LHFPL3: variants seen among roughly 807,000 people sequenced by gnomAD.
LHFPL3 encodes the protein LHFPL tetraspan subfamily member 3 protein.
A neutral mutation model predicts 19.3 loss-of-function variants in LHFPL3; 5 were observed. The ratio of observed to expected loss-of-function variants is 0.26; its 90% CI spans 0.14 to 0.54. The LOEUF (loss-of-function observed/expected upper bound fraction) is 0.54, where lower values mean the gene tolerates loss of function less well. LHFPL3 is among the 20% of genes least tolerant of loss of function. The probability of loss-of-function intolerance (pLI) is 0.94; values close to 1 mark genes in which losing one functional copy is unlikely to be tolerated. For synonymous variants in LHFPL3, 133 were observed against 126.2 expected (o/e 1.05, Z -0.36); for missense variants, 249 against 307.4 (o/e 0.81, Z 1.42).
intron 1 of LHFPL3, among the ~76,000 whole-genome samples, chr7:104,721,352 C>T (rs1348690236): frequency 6.6e-6 from 1 of 152,076 alleles, no homozygotes; most frequent in African/African-American, 2.4e-5. Flanking sequence ...ATCACTTGGA[C>T]ACAGGGCAGG....
chr7:104,518,470 G>A (rs1259060797), intron 1 of LHFPL3, among the ~76,000 whole-genome samples: 2 of 150,274 alleles, frequency 1.3e-5, no homozygotes, highest in South Asian at 2.1e-4. Context: ...TTAAATAAAT[G>A]ATAATGGATG....
chr7:104,631,131 C>T (rs1283355274), intron 1 of LHFPL3, among the ~76,000 whole-genome samples: 4 of 152,120 alleles, frequency 2.6e-5, no homozygotes, highest in Non-Finnish European at 5.9e-5. Flanking sequence ...AGCTTGACAT[C>T]ATCCTAGCTA....
intron 1 of LHFPL3, among the ~76,000 whole-genome samples, chr7:104,677,441 G>A (rs1327818308): frequency 6.6e-6 from 1 of 151,836 alleles, no homozygotes; most frequent in Admixed American, 6.6e-5. Context: ...GTTTGCATAT[G>A]CCTAGAAAAT....
At position 104,328,696 on chromosome 7, in the gene LHFPL3, C is replaced by A; in HGVS notation, c.-84C>A. 1 of 1,237,154 alleles carries A rather than the reference C, an allele frequency of 8.1e-7. No individual in the cohort carries two copies. Among genetic ancestry groups the A allele is most frequent in the Non-Finnish European group, 1.1e-6 (1 of 885,030 alleles). 76.6% of individuals were successfully genotyped at this position (1,237,154 alleles called of 1,614,324 possible). The stretch of plus-strand genomic sequence containing the variant: ...GGCAGGGGAGTTGCAGCGCGCGAGG[C>A]TCCGTGAGTGTGTCTCCTGCGCGCT... On this transcript the variant is annotated 5_prime_UTR_variant, in exon 1 of 3. Transcript: ENST00000424859. This position sits in a 1 kb window ranked among gnomAD's most constrained non-coding sequence, Gnocchi z 4.6.
At chr7:104,548,961 C>G (rs964104933) in intron 1 of LHFPL3, among the ~76,000 whole-genome samples, 2 of 152,110 alleles carry the variant, frequency 1.3e-5, no homozygotes, top group African/African-American at 2.4e-5. Context: ...CTAAGGGATT[C>G]TTTGGGCAGA....
intron 1 of LHFPL3, among the ~76,000 whole-genome samples, chr7:104,708,135 A>G (rs571874494): frequency 2.0e-5 from 3 of 152,322 alleles, no homozygotes; most frequent in South Asian, 4.1e-4. Flanking sequence ...CGCCATATAG[A>G]AAGGCCCAAG....
At chr7:104,539,422 G>T (rs1384853070) in intron 1 of LHFPL3, among the ~76,000 whole-genome samples, 1 of 152,158 alleles carries the variant, frequency 6.6e-6, no homozygotes, top group Non-Finnish European at 1.5e-5. Context: ...AGTAAATTTA[G>T]TGGGGAGAAG....
At chr7:104,863,414 GT>G (rs1045771338) in intron 2 of LHFPL3, among the ~76,000 whole-genome samples, 1 of 152,104 alleles carries the variant, frequency 6.6e-6, no homozygotes, top group Non-Finnish European at 1.5e-5. Flanking sequence ...AAGCCTCTGG[GT>G]TTTTTTCCCA....
intron 1 of LHFPL3, among the ~76,000 whole-genome samples, chr7:104,439,753 A>T (rs2116577935): frequency 6.6e-6 from 1 of 152,310 alleles, no homozygotes; most frequent in East Asian, 1.9e-4. Context: ...AATGGTAAAA[A>T]ACTGAACGCT....
At chr7:104,793,319 T>C (rs191574908) in intron 2 of LHFPL3, among the ~76,000 whole-genome samples, 55 of 152,268 alleles carry the variant, frequency 3.6e-4, no homozygotes, top group African/African-American at 1.3e-3. Context: ...GGGAAATATT[T>C]GTAACAGAAA....
At chr7:104,717,135 C>T (rs1412909975) in intron 1 of LHFPL3, among the ~76,000 whole-genome samples, 1 of 152,082 alleles carries the variant, frequency 6.6e-6, no homozygotes, top group Admixed American at 6.6e-5. Flanking sequence ...TCTTATCTTA[C>T]ACCACACACA....
chr7:104,360,651 G>C (rs1014401011), intron 1 of LHFPL3, among the ~76,000 whole-genome samples: 2 of 148,912 alleles, frequency 1.3e-5, no homozygotes, highest in African/African-American at 5.0e-5. Context: ...TAGGGAGGTT[G>C]ATTTCCACAG....
chr7:104,781,607 T>C (rs924515834), intron 2 of LHFPL3, among the ~76,000 whole-genome samples: 3 of 152,190 alleles, frequency 2.0e-5, no homozygotes, highest in Admixed American at 2.0e-4. Context: ...ATCTACCCTC[T>C]TTCTTCATCA....
At chr7:104,855,312 C>T (rs1791482384) in intron 2 of LHFPL3, among the ~76,000 whole-genome samples, 1 of 152,110 alleles carries the variant, frequency 6.6e-6, no homozygotes, top group South Asian at 2.1e-4. Context: ...AGGACATCAC[C>T]CCTGCAGACT....
chr7:104,861,712 T>C (rs1274340261), intron 2 of LHFPL3, among the ~76,000 whole-genome samples: 1 of 152,120 alleles, frequency 6.6e-6, no homozygotes, highest in African/African-American at 2.4e-5. Context: ...GAGAAACTAA[T>C]GGTCAAGCAC....
rs180902292 is a variant in LHFPL3 at position 104,434,058 on chromosome 7, C to T, written c.445+104834C>T. ...AAATTGGGGTTATTGTTTTCCATAC[C>T]ATGTATTAATCCATACCTTTTATTA... On this transcript the variant is annotated intron_variant, in intron 1 of 2. Transcript: ENST00000424859. 8.7e-4 allele frequency among the ~76,000 whole-genome samples: 132 copies of T among 152,058 alleles called. 1 individual carries two copies. Among genetic ancestry groups the T allele is most frequent in the Admixed American group, 4.0e-3 (61 of 15,274 alleles).
intron 1 of LHFPL3, among the ~76,000 whole-genome samples, chr7:104,412,370 C>T (rs762329698): frequency 6.6e-6 from 1 of 152,034 alleles, no homozygotes; most frequent in African/African-American, 2.4e-5. Flanking sequence ...ACCCCATACC[C>T]CTTCCTTCTG....
chr7:104,617,006 T>C (rs1206549213), intron 1 of LHFPL3, among the ~76,000 whole-genome samples: 1 of 152,108 alleles, frequency 6.6e-6, no homozygotes, highest in Non-Finnish European at 1.5e-5. Context: ...AAACAACAGA[T>C]GCTGGAGAGG....
intron 1 of LHFPL3, among the ~76,000 whole-genome samples, chr7:104,360,453 T>G (rs921850670): frequency 1.3e-5 from 2 of 152,046 alleles, no homozygotes; most frequent in Admixed American, 6.5e-5. Context: ...CAGATAAAGC[T>G]CAGAGAATGG....
Sources: gnomAD v4.1 joint callset for allele counts (sites outside exome capture counted in the v4.1 genomes callset) on GRCh38, gnomAD v4.1.1 for gene constraint, Gnocchi (gnomAD v3.1) non-coding constraint, MANE v1.5 for transcripts, NCBI Gene and HGNC (gene_info 2026-07-23, HGNC 2026-07-21) for gene names.